Variants in SYNE2 observed in about 807,000 individuals in gnomAD.
The protein encoded by SYNE2 is nesprin-2.
In SYNE2, 431 loss-of-function variants were observed where a neutral mutation model predicts 856.3. The observed-to-expected ratio is 0.50, with a 90% confidence interval of 0.47 to 0.55. SYNE2 has a LOEUF of 0.55. Ranked by LOEUF, SYNE2 falls within the 20% of genes least tolerant of loss-of-function variation. The pLI is 0.00. For synonymous variants in SYNE2, 2,923 were observed against 2,872.3 expected, an observed-to-expected ratio of 1.02 and a Z score of -0.56; for missense variants, 8,129 against 8,023.2, an observed-to-expected ratio of 1.01 and a Z score of -0.50.
intron 1 of SYNE2, among the ~76,000 whole-genome samples, chr14:63,768,056 T>C (rs1886753531): frequency 6.6e-6 from 1 of 151,984 alleles, no homozygotes; most frequent in Non-Finnish European, 1.5e-5. Context: ...TCAGCTGGGC[T>C]TTGGTGGCAC....
chr14:64,016,687 A>T (rs866528445), intron 33 of SYNE2, 56 bp downstream of exon 33: 1 of 1,177,378 alleles, frequency 8.5e-7, no homozygotes, highest in African/African-American at 1.5e-5. Flanking sequence ...ATTTTGGTGT[A>T]TCTTTAGTAT....
chr14:63,980,489 T>C (rs1555410352), intron 14 of SYNE2, among the ~76,000 whole-genome samples, 165 bp from the exon 15 acceptor site: 1 of 152,194 alleles, frequency 6.6e-6, no homozygotes, highest in Non-Finnish European at 1.5e-5. Flanking sequence ...GTCTCCTAGA[T>C]TTTCACCATC....
At chr14:64,149,640 TAAA>T (rs2098221945) in intron 84 of SYNE2, among the ~76,000 whole-genome samples, 2 of 152,214 alleles carry the variant, frequency 1.3e-5, no homozygotes, top group Admixed American at 6.5e-5. Flanking sequence ...CACAGCTTCT[TAAA>T]GAAGTATGTT....
chr14:64,226,185 T>C lies in SYNE2; in HGVS notation c.*659T>C, dbSNP rs1278857380. 1 of 152,734 alleles carries C rather than the reference T, an allele frequency of 6.5e-6. No individual in the cohort carries two copies. The highest frequency in any genetic ancestry group is 1.5e-5 in the Non-Finnish European group (1 of 68,112). 9.5% of individuals were successfully genotyped at this position (152,734 alleles called of 1,614,324 possible). On this transcript the variant is annotated 3_prime_UTR_variant, in exon 116 of 116. Coordinates refer to ENST00000555002, the MANE Select transcript of SYNE2 (RefSeq NM_182914.3). ...ATGAATAATGTAAACTTCGATTTTT[T>C]TTTAAAAAAATTAGATTTTAGCTGG...
At chr14:63,903,823 T>TA (rs976257667) in intron 1 of SYNE2, among the ~76,000 whole-genome samples, 45 of 151,932 alleles carry the variant, frequency 3.0e-4, no homozygotes, top group Non-Finnish European at 5.3e-4. Context: ...TTTTTTTTTT[T>TA]AATTTCAGAG....
intron 99 of SYNE2, 42 bp from the exon 100 acceptor site, chr14:64,202,759 G>GA: frequency 1.3e-6 from 2 of 1,596,480 alleles, no homozygotes; most frequent in Non-Finnish European, 1.7e-6. Flanking sequence ...TCCATCACTG[G>GA]TTTTTTTTTG....
Position 64,021,317 on chromosome 14 carries a change from C to T in SYNE2, c.5154C>T (p.Val1718=). ...CTTCATATATTTCATGATTTCAGGT[C>T]ATGGAGTCCTCTATTTTGAACAAGA... The part of the protein sequence containing the change: ...QSSEIPLELQ[V]MESSILNKME... Residue 1718 remains valine (V), a splice_region_variant and synonymous_variant, in exon 36 of 116, where the codon GTC becomes GTT. Coordinates refer to ENST00000555002, the MANE Select transcript of SYNE2 (RefSeq NM_182914.3). 6.2e-7 allele frequency: 1 copy of T among 1,612,684 alleles called. No individual in the cohort carries two copies. Among genetic ancestry groups the T allele is most frequent in the African/African-American group, 1.3e-5 (1 of 74,966 alleles).
chr14:63,858,250 C>T (rs1339642001), intron 1 of SYNE2, among the ~76,000 whole-genome samples: 2 of 131,826 alleles, frequency 1.5e-5, no homozygotes, highest in Non-Finnish European at 3.1e-5. Flanking sequence ...AGGTGTGCGT[C>T]TCCACACCGG....
intron 6 of SYNE2, among the ~76,000 whole-genome samples, chr14:63,945,103 C>T (rs1193405362): frequency 2.6e-5 from 2 of 77,438 alleles, no homozygotes; most frequent in African/African-American, 4.6e-5. Context: ...CCACACCTGG[C>T]CTTTTTTTTT....
chr14:64,219,392 G>A lies in SYNE2; in HGVS notation c.19842G>A (p.Leu6614=). The A allele has an allele frequency of 6.2e-7, 1 of 1,614,096 alleles. No homozygotes were observed. The highest frequency in any genetic ancestry group is 8.5e-7 in the Non-Finnish European group (1 of 1,180,026). The part of the protein sequence containing the change: ...KPPSDIQEIE[L]RVKRLQEILK... ...CCTCTGATATCCAGGAAATAGAACT[G>A]AGAGTGAAGAGACTGCAGGTGAGTT... The change falls in exon 110 of 116, where the codon CTG becomes CTA. Residue 6614 remains leucine, a synonymous_variant. Transcript: ENST00000555002.
rs768731460 is a variant in SYNE2 at position 64,053,258 on chromosome 14, C to G, written c.9345C>G (p.Phe3115Leu). Residue 3115 changes from phenylalanine (F) to leucine (L), a missense_variant, in exon 48 of 116, where the codon TTC (phenylalanine) becomes TTG (leucine). This residue lies in a region of SYNE2 where 5,410 missense variants were observed against 5,284.8 expected (regional missense o/e 1.02). Transcript: ENST00000555002. Reference protein sequence around the residue: ...LNENKTFDDSFKEKEILQIKL... With the variant: ...LNENKTFDDSLKEKEILQIKL... ...AAAATAAGACCTTTGATGACTCATT[C>G]AAGGAGAAAGAAATACTACAAATAA... 3.1e-6 allele frequency: 5 copies of G among 1,609,682 alleles called. No homozygotes were observed. The highest frequency in any genetic ancestry group is 2.2e-5 in the East Asian group (1 of 44,844).
At position 63,964,967 on chromosome 14, in the gene SYNE2, T is replaced by C. The variant is rs190346337; in HGVS notation, c.990+967T>C. ...TTACCACATATTGAACATTTCTTTT[T>C]TTTTTTTTTTTTTGAGGCGGAATCT... On this transcript the variant is annotated intron_variant, in intron 10 of 115. Transcript: ENST00000555002. 4.6e-3 allele frequency among the ~76,000 whole-genome samples: 697 copies of C among 150,698 alleles called. 11 individuals are homozygous for C. Among genetic ancestry groups the C allele is most frequent in the African/African-American group, 0.016 (668 of 41,136 alleles).
At chr14:63,897,924 A>C (rs575120837) in intron 1 of SYNE2, among the ~76,000 whole-genome samples, 116 of 152,330 alleles carry the variant, frequency 7.6e-4, no homozygotes, top group Middle Eastern at 3.4e-3. Context: ...AACAGCGAGC[A>C]TGTTTTGCAA....
chr14:63,851,173 C>A (rs982363685), upstream of SYNE2, among the ~76,000 whole-genome samples: 2 of 152,082 alleles, frequency 1.3e-5, no homozygotes, highest in African/African-American at 4.8e-5. Flanking sequence ...CCAGCCTGGC[C>A]AAGATGGTGA....
At position 64,148,735 on chromosome 14, in the gene SYNE2, A is replaced by C. The variant is rs188275305; in HGVS notation, c.15639+2512A>C. ...AGGCCATAAACAAGGCCAAGATGGAAGCAAATAAATAAAACAGGCTTCCCT... is the reference window on the plus strand; with the variant it reads ...AGGCCATAAACAAGGCCAAGATGGACGCAAATAAATAAAACAGGCTTCCCT... On this transcript the variant is annotated intron_variant, in intron 84 of 115. Coordinates refer to ENST00000555002, the MANE Select transcript of SYNE2 (RefSeq NM_182914.3). 2.9e-3 allele frequency among the ~76,000 whole-genome samples: 447 copies of C among 152,282 alleles called. 4 individuals carry two copies. Among genetic ancestry groups the C allele is most frequent in the African/African-American group, 0.01 (418 of 41,560 alleles).
At chr14:63,979,583 CTT>C (rs889249189) in intron 14 of SYNE2, among the ~76,000 whole-genome samples, 1 of 152,230 alleles carries the variant, frequency 6.6e-6, no homozygotes, top group Non-Finnish European at 1.5e-5. Context: ...TACATTTAGA[CTT>C]TGTCCTTCTT....
At chr14:64,180,681 T>G (rs1317598938) in intron 96 of SYNE2, among the ~76,000 whole-genome samples, 2 of 152,110 alleles carry the variant, frequency 1.3e-5, no homozygotes, top group Non-Finnish European at 2.9e-5. Flanking sequence ...TTTTTGTATT[T>G]TTAGTAGAGA....
intron 73 of SYNE2, 51 bp from the exon 74 acceptor site, chr14:64,128,401 G>A: frequency 1.0e-6 from 1 of 962,726 alleles, no homozygotes. Context: ...TATAAAAAAA[G>A]ATAATGAAGG....
intron 1 of SYNE2, among the ~76,000 whole-genome samples, chr14:63,831,932 AT>A (rs200048335): frequency 0.012 from 1,895 of 151,876 alleles, 16 homozygotes; most frequent in Non-Finnish European, 0.02. Context: ...TAGAAAACAT[AT>A]TTTTTTTAAA....
Sources: allele counts gnomAD v4.1 joint callset (sites outside exome capture counted in the v4.1 genomes callset), GRCh38; gene constraint gnomAD v4.1.1; regional missense constraint gnomAD v4.1.1; transcripts MANE v1.5; gene names NCBI Gene and HGNC (gene_info 2026-07-23, HGNC 2026-07-21).